Variants in PADI1 observed in about 807,000 individuals in gnomAD.
PADI1 encodes peptidyl arginine deiminase 1.
In PADI1, 65 loss-of-function variants were observed where a neutral mutation model predicts 74.8. That is an observed-to-expected ratio of 0.87 (90% confidence interval 0.71 to 1.07). The LOEUF (loss-of-function observed/expected upper bound fraction) is 1.07, where lower values mean the gene tolerates loss of function less well. PADI1 is among the 50% of genes least tolerant of loss of function. The pLI is 0.00. For synonymous variants in PADI1, 371 were observed against 336.2 expected, an observed-to-expected ratio of 1.10 and a Z score of -1.13; for missense variants, 943 against 854.0, an observed-to-expected ratio of 1.10 and a Z score of -1.30.
intron 8 of PADI1, among the ~76,000 whole-genome samples, chr1:17,229,420 G>A (rs1412041925): frequency 6.6e-6 from 1 of 152,198 alleles, no homozygotes; most frequent in East Asian, 1.9e-4. Context: ...ACGATCCCTT[G>A]CCTGCTATGG....
chr1:17,225,757 C>T, intron 4 of PADI1, 54 bp from the exon 5 acceptor site: 2 of 1,355,062 alleles, frequency 1.5e-6, no homozygotes, highest in East Asian at 2.3e-5. Flanking sequence ...TCTAGAACCC[C>T]TTCCTGGAGC....
intron 11 of PADI1, among the ~76,000 whole-genome samples, chr1:17,234,844 TA>T (rs2072589971): frequency 6.6e-6 from 1 of 152,214 alleles, no homozygotes; most frequent in Middle Eastern, 3.4e-3. Flanking sequence ...GAAGGCTTCC[TA>T]GGGGCAGCCA....
intron 15 of PADI1, 80 bp downstream of exon 15, chr1:17,240,840 G>C: frequency 6.6e-7 from 1 of 1,519,660 alleles, no homozygotes; most frequent in Non-Finnish European, 9.0e-7. Context: ...GGGCAGGCTG[G>C]TGCAGAGGCT....
chr1:17,221,863 C>T (rs911950038), intron 1 of PADI1, among the ~76,000 whole-genome samples: 2 of 152,248 alleles, frequency 1.3e-5, no homozygotes, highest in Non-Finnish European at 2.9e-5. Flanking sequence ...GAAACCACTG[C>T]TTTCCAGCAA....
chr1:17,240,111 T>G, intron 14 of PADI1: 1 of 336,676 alleles, frequency 3.0e-6, no homozygotes, highest in Non-Finnish European at 5.6e-6. Flanking sequence ...AATAGGACCT[T>G]GAGGGGCCCA....
chr1:17,235,688 A>G (rs1311966374), intron 11 of PADI1, among the ~76,000 whole-genome samples: 2 of 151,880 alleles, frequency 1.3e-5, no homozygotes, highest in Non-Finnish European at 2.9e-5. Flanking sequence ...GAGGATGCAG[A>G]CTCAGGAAGG....
intron 14 of PADI1, 79 bp from the exon 15 acceptor site, chr1:17,240,556 C>A: frequency 1.3e-6 from 2 of 1,515,910 alleles, no homozygotes; most frequent in Non-Finnish European, 1.8e-6. Flanking sequence ...GGGCTCCACA[C>A]GGGCCCAGCG....
intron 1 of PADI1, among the ~76,000 whole-genome samples, chr1:17,212,880 G>A (rs1440941924): frequency 6.6e-6 from 1 of 152,220 alleles, no homozygotes; most frequent in Non-Finnish European, 1.5e-5. Flanking sequence ...ATGTGGGTGT[G>A]TGGTGGGGCC....
chr1:17,216,177 C>T (rs541706115), intron 1 of PADI1, among the ~76,000 whole-genome samples: 17 of 152,252 alleles, frequency 1.1e-4, no homozygotes, highest in East Asian at 5.8e-4. Flanking sequence ...GCCACACAGG[C>T]TCTGGTGACA....
intron 1 of PADI1, among the ~76,000 whole-genome samples, chr1:17,213,803 G>A (rs1455067725): frequency 2.0e-5 from 3 of 152,188 alleles, no homozygotes; most frequent in South Asian, 2.1e-4. Flanking sequence ...CACAGGAGGC[G>A]GGCAGGGGTG....
At chr1:17,240,588 G>A (rs1399368195) in intron 14 of PADI1, 47 bp from the exon 15 acceptor site, 47 of 1,604,010 alleles carry the variant, frequency 2.9e-5, no homozygotes, top group Non-Finnish European at 3.7e-5. Context: ...CTTGGCCAGT[G>A]TTATGCTCTT....
chr1:17,214,349 C>G (rs1220502300), intron 1 of PADI1, among the ~76,000 whole-genome samples: 1 of 152,114 alleles, frequency 6.6e-6, no homozygotes, highest in African/African-American at 2.4e-5. Context: ...CCCCCCGCCC[C>G]ATGACTTGGC....
Position 17,237,389 on chromosome 1 carries a change from C to G in PADI1, c.1389C>G (p.Leu463=), listed in dbSNP as rs749355617. The G allele has an allele frequency of 1.9e-6, 3 of 1,613,946 alleles. No homozygotes were observed. The South Asian group carries it at 3.3e-5, about 18-fold the overall frequency. ...AGCAGGTGCAGGCACCCGTGGAGCTCTACTCGGACTGGCTCTCTGTGGGCC... is the reference window on the plus strand; with the variant it reads ...AGCAGGTGCAGGCACCCGTGGAGCTGTACTCGGACTGGCTCTCTGTGGGCC... ...KAQQVQAPVE[L]YSDWLSVGHV... Residue 463 remains leucine (L), a synonymous_variant, in exon 12 of 16, where the codon CTC becomes CTG. Transcript: ENST00000375471.
rs2072856803 is a variant in PADI1, at chr1:17,245,077, T to C, written c.*834T>C. The C allele has an allele frequency of 6.5e-6, 1 of 153,442 alleles. No homozygotes were observed. The highest frequency in any genetic ancestry group is 6.5e-5 in the Admixed American group (1 of 15,292). The allele number at this position is 153,442 out of a possible 1,614,324, so 9.5% of individuals were successfully genotyped here. A position where few individuals can be genotyped will look rare whatever the true frequency, so the allele number is the denominator to read the frequency against. On this transcript the variant is annotated 3_prime_UTR_variant, in exon 16 of 16. Transcript: ENST00000375471. This position sits in a 1 kb window ranked among gnomAD's most constrained non-coding sequence, Gnocchi z 4.1. ...TTTGGGGGCCTAGAGGTGTCCGTGG[T>C]TCCTGGGCTGGGATTTTGGACTCTG... is the stretch of plus-strand genomic sequence containing the variant.
chr1:17,225,266 G>C lies in PADI1; in HGVS notation c.409-545G>C. Among the ~76,000 whole-genome samples the C allele has an allele frequency of 1.3e-5, 2 of 152,366 alleles. 1 individual carries two copies. The highest frequency in any genetic ancestry group is 1.3e-4 in the Admixed American group (2 of 15,308). On this transcript the variant is annotated intron_variant, in intron 4 of 15. Transcript: ENST00000375471. ...AGCCCTGCCTTGTGGGTCTGGTGGG[G>C]AGGTGTGTTGGGGACAGCAGCAACC...
At chr1:17,230,741 A>G in intron 10 of PADI1, 62 bp downstream of exon 10, 1 of 906,080 alleles carries the variant, frequency 1.1e-6, no homozygotes, top group South Asian at 1.4e-5. Context: ...CGCACCAGTG[A>G]AGTCTCATCT....
At chr1:17,238,731 A>AC in intron 13 of PADI1, 22 bp downstream of exon 13, 1 of 1,304,006 alleles carries the variant, frequency 7.7e-7, no homozygotes, top group South Asian at 1.6e-5. Context: ...TGACCCGGTC[A>AC]CCCCTGGGGG....
At chr1:17,233,954 T>C (rs2072568107) in intron 11 of PADI1, among the ~76,000 whole-genome samples, 1 of 152,204 alleles carries the variant, frequency 6.6e-6, no homozygotes, top group Admixed American at 6.5e-5. Flanking sequence ...CTCACCCTGT[T>C]GGTGACTCAT....
rs1232608702 is a variant in PADI1, at chr1:17,222,469, A to G, written c.272A>G (p.Lys91Arg). ...GTASKELKDF[K>R]VRVSYFGEQE... is the part of the protein sequence containing the mutation. ...GCCAGTAAGGAATTAAAGGACTTCA[A>G]GGTAAGAGGCCACTTTCTCATAGAA... The change falls in exon 2 of 16, where the codon AAG becomes AGG. Residue 91 changes from lysine to arginine, a missense_variant and splice_region_variant. Transcript: ENST00000375471. 2 of 1,611,170 alleles carry G rather than the reference A, an allele frequency of 1.2e-6. No homozygotes were observed. The highest frequency in any genetic ancestry group is 8.5e-7 in the Non-Finnish European group (1 of 1,177,332).
Sources: allele counts gnomAD v4.1 joint callset (sites outside exome capture counted in the v4.1 genomes callset), GRCh38; gene constraint gnomAD v4.1.1; non-coding constraint Gnocchi (gnomAD v3.1); transcripts MANE v1.5; gene names NCBI Gene and HGNC (gene_info 2026-07-23, HGNC 2026-07-21).